Variants in STIM2 observed in about 807,000 individuals in gnomAD.
The protein encoded by STIM2 is stromal interaction molecule 2.
A neutral mutation model predicts 85.8 loss-of-function variants in STIM2; 31 were observed. The observed-to-expected ratio is 0.36, with a 90% confidence interval of 0.27 to 0.49. STIM2 has a LOEUF of 0.49. Among genes scored for constraint, STIM2 ranks in the 20% least tolerant of loss-of-function variants. The pLI, the probability that STIM2 is intolerant of heterozygous loss-of-function variation, is 0.98. For missense variants in STIM2, 841 were observed against 927.6 expected (o/e 0.91, Z 1.21); for synonymous variants, 356 against 331.1 (o/e 1.08, Z -0.82).
intron 1 of STIM2, among the ~76,000 whole-genome samples, chr4:26,891,092 G>C (rs1723458742): frequency 6.6e-6 from 1 of 152,212 alleles, no homozygotes; most frequent in African/African-American, 2.4e-5. Context: ...TAGCTTTATA[G>C]TTCAGTTTGT....
chr4:26,900,127 T>A (rs1723862761), intron 1 of STIM2, among the ~76,000 whole-genome samples: 1 of 152,028 alleles, frequency 6.6e-6, no homozygotes, highest in African/African-American at 2.4e-5. Context: ...TCTGTGTGAG[T>A]CCCTCCAGTT....
intron 1 of STIM2, among the ~76,000 whole-genome samples, chr4:26,903,377 T>C (rs1188517143): frequency 6.6e-6 from 1 of 152,208 alleles, no homozygotes; most frequent in Non-Finnish European, 1.5e-5. Flanking sequence ...CATTTGATTT[T>C]CGTGAAGTCT....
chr4:26,890,427 A>C (rs1723424475), intron 1 of STIM2, among the ~76,000 whole-genome samples: 1 of 152,172 alleles, frequency 6.6e-6, no homozygotes, highest in African/African-American at 2.4e-5. Flanking sequence ...TCGTGGGGCC[A>C]GATAGCACCC....
At chr4:26,862,115 C>T (rs993290979) in intron 1 of STIM2, among the ~76,000 whole-genome samples, 23 of 152,080 alleles carry the variant, frequency 1.5e-4, no homozygotes, top group African/African-American at 5.3e-4. Flanking sequence ...TGATAGACTG[C>T]ACTAGCACCT....
At chr4:26,961,101 T>TA (rs1007621161) in intron 3 of STIM2, among the ~76,000 whole-genome samples, 22 of 152,096 alleles carry the variant, frequency 1.4e-4, no homozygotes, top group Admixed American at 7.9e-4. Flanking sequence ...GAATTTACAT[T>TA]AAAAAATAAT....
At chr4:26,969,058 A>G (rs1243705719) in intron 3 of STIM2, among the ~76,000 whole-genome samples, 1 of 152,118 alleles carries the variant, frequency 6.6e-6, no homozygotes, top group Non-Finnish European at 1.5e-5. Flanking sequence ...CAGTTTATGG[A>G]TTGAAAAGAT....
At chr4:26,997,017 A>G (rs541865557) in intron 4 of STIM2, among the ~76,000 whole-genome samples, 3 of 152,162 alleles carry the variant, frequency 2.0e-5, no homozygotes, top group Non-Finnish European at 4.4e-5. Context: ...TGAACATGTT[A>G]CTATAGAAAA....
intron 5 of STIM2, among the ~76,000 whole-genome samples, chr4:27,000,057 T>A (rs1474058895): frequency 6.6e-6 from 1 of 152,160 alleles, no homozygotes; most frequent in Non-Finnish European, 1.5e-5. Context: ...ATTATGTTTT[T>A]TTTTTTTAGT....
At position 26,999,288 on chromosome 4, in the gene STIM2, G is replaced by A; in HGVS notation, c.566G>A (p.Ser189Asn). 6.2e-7 allele frequency: 1 copy of A among 1,609,766 alleles called. No homozygotes were observed. Among genetic ancestry groups the A allele is most frequent in the Non-Finnish European group, 8.5e-7 (1 of 1,177,946 alleles). The change falls in exon 5 of 12, where the codon AGT (serine) becomes AAT (asparagine). Residue 189 changes from serine to asparagine, a missense_variant. Around this residue, in one of 3 missense-constraint regions of STIM2, gnomAD observed 408 missense variants for 525.4 expected, o/e 0.78. Coordinates refer to ENST00000467087, the MANE Select transcript of STIM2 (RefSeq NM_020860.4). ...TCCCAGTTGAAAATCAGTGACCGGAGTCACAGACAAAAACTTCAGCTCAAG... is the reference window on the plus strand; with the variant it reads ...TCCCAGTTGAAAATCAGTGACCGGAATCACAGACAAAAACTTCAGCTCAAG...
intron 3 of STIM2, among the ~76,000 whole-genome samples, chr4:26,992,122 T>C (rs1727788591): frequency 6.6e-6 from 1 of 152,114 alleles, no homozygotes; most frequent in African/African-American, 2.4e-5. Flanking sequence ...AAATCGCTTG[T>C]ACCCCAAAAG....
At chr4:27,004,654 CT>C (rs1326118888) in intron 7 of STIM2, among the ~76,000 whole-genome samples, 1 of 152,170 alleles carries the variant, frequency 6.6e-6, no homozygotes, top group African/African-American at 2.4e-5. Context: ...GACATTCTAA[CT>C]TGAAGCTTTG....
intron 2 of STIM2, among the ~76,000 whole-genome samples, chr4:26,935,101 A>G (rs1577448099): frequency 6.6e-6 from 1 of 152,080 alleles, no homozygotes; most frequent in African/African-American, 2.4e-5. Context: ...TGCAAATTCT[A>G]TTTTAAAATT....
intron 3 of STIM2, among the ~76,000 whole-genome samples, chr4:26,971,438 A>T (rs1245030947): frequency 1.3e-5 from 2 of 152,148 alleles, no homozygotes; most frequent in African/African-American, 4.8e-5. Flanking sequence ...TAAGGAAGGG[A>T]TCCAGTTTCA....
intron 3 of STIM2, among the ~76,000 whole-genome samples, chr4:26,964,596 T>A (rs1469309107): frequency 6.6e-6 from 1 of 152,152 alleles, no homozygotes; most frequent in Admixed American, 6.6e-5. Flanking sequence ...CCAGTTTTTT[T>A]CTCCCTGTGA....
intron 3 of STIM2, among the ~76,000 whole-genome samples, chr4:26,992,317 G>A (rs74692529): frequency 6.6e-6 from 1 of 152,088 alleles, no homozygotes; most frequent in African/African-American, 2.4e-5. Flanking sequence ...AGAGTGATGA[G>A]CAGAAGACTT....
chr4:26,914,746 T>A (rs1380672486), intron 1 of STIM2, among the ~76,000 whole-genome samples: 1 of 152,226 alleles, frequency 6.6e-6, no homozygotes, highest in African/African-American at 2.4e-5. Flanking sequence ...AAAGTTACGA[T>A]ACAATATAAT....
At chr4:26,873,874 G>C in intron 1 of STIM2, 1 of 1,253,236 alleles carries the variant, frequency 8.0e-7, no homozygotes, top group Non-Finnish European at 1.2e-6. Flanking sequence ...CAGAGAGGCA[G>C]TGATGCTCCT....
At chr4:26,874,142 G>T in intron 1 of STIM2, 4 of 520,136 alleles carry the variant, frequency 7.7e-6, no homozygotes, top group South Asian at 6.6e-5. Flanking sequence ...CCAAGTGTTT[G>T]CAGGAGGGGT....
At chr4:26,894,638 CTT>C (rs980590398) in intron 1 of STIM2, among the ~76,000 whole-genome samples, 2 of 151,564 alleles carry the variant, frequency 1.3e-5, no homozygotes, top group African/African-American at 4.9e-5. Flanking sequence ...GTTCTGGGCT[CTT>C]TATTTTTTCA....
Sources: gnomAD v4.1 joint callset for allele counts (sites outside exome capture counted in the v4.1 genomes callset) on GRCh38, gnomAD v4.1.1 for gene constraint, gnomAD v4.1.1 regional missense constraint, MANE v1.5 for transcripts, NCBI Gene and HGNC (gene_info 2026-07-23, HGNC 2026-07-21) for gene names.